Variants in SLC30A10 observed in about 807,000 individuals in gnomAD.
The protein encoded by SLC30A10 is solute carrier family 30 member 10.
SLC30A10 carries 8 observed loss-of-function variants against 21.7 expected under a neutral mutation model. The ratio of observed to expected loss-of-function variants is 0.37; its 90% CI spans 0.22 to 0.67. The LOEUF (loss-of-function observed/expected upper bound fraction) is 0.67. Among genes scored for constraint, SLC30A10 ranks in the 30% least tolerant of loss-of-function variants. The pLI is 0.58. For missense variants in SLC30A10, 521 were observed against 642.5 expected (o/e 0.81, Z 2.04); for synonymous variants, 272 against 279.4 (o/e 0.97, Z 0.26).
At chr1:219,931,335 T>G (rs1659967403), upstream of SLC30A10, among the ~76,000 whole-genome samples, 1 of 152,186 alleles carries the variant, frequency 6.6e-6, no homozygotes, top group Non-Finnish European at 1.5e-5. Context: ...AGAGGCAGCC[T>G]GCCTGGGGGA....
At chr1:219,932,063 CT>C (rs1271562244), upstream of SLC30A10, among the ~76,000 whole-genome samples, 12,140 of 138,502 alleles carry the variant, frequency 0.088, 979 homozygotes, top group African/African-American at 0.27. Flanking sequence ...ACTCAATCAT[CT>C]TTTTTTTTTT....
At chr1:219,944,138 A>G (rs891177641) in intron 1 of SLC30A10, among the ~76,000 whole-genome samples, 1 of 149,258 alleles carries the variant, frequency 6.7e-6, no homozygotes, top group Non-Finnish European at 1.5e-5. Context: ...GGCAGTGAAT[A>G]CAAAATTTTA....
In SLC30A10 at chr1:219,915,444, C is replaced by T. The variant is rs758262227; in HGVS notation, c.*5G>A. The T allele has an allele frequency of 6.2e-7, 1 of 1,610,904 alleles. No individual in the cohort carries two copies. Among genetic ancestry groups the T allele is most frequent in the South Asian group, 1.1e-5 (1 of 90,348 alleles). On this transcript the variant is annotated 3_prime_UTR_variant, in exon 4 of 4. Coordinates refer to ENST00000366926, the MANE Select transcript of SLC30A10 (RefSeq NM_018713.3). ...TCTATATGGTCTGATTATGTGAGTA[C>T]CAGATTAAAAATGCGTTCTGTTGAC... is the stretch of plus-strand genomic sequence containing the variant.
chr1:219,925,007 G>A (rs1659780449), intron 2 of SLC30A10, among the ~76,000 whole-genome samples: 1 of 152,172 alleles, frequency 6.6e-6, no homozygotes, highest in Non-Finnish European at 1.5e-5. Flanking sequence ...ACCTCTATCA[G>A]AAGCTAAAGG....
chr1:219,943,923 C>T (rs1357534234), intron 1 of SLC30A10, among the ~76,000 whole-genome samples: 1 of 151,600 alleles, frequency 6.6e-6, no homozygotes, highest in Non-Finnish European at 1.5e-5. Flanking sequence ...CATGATGAAA[C>T]CCCGTCTCTA....
intron 3 of SLC30A10, among the ~76,000 whole-genome samples, chr1:219,917,213 A>AT (rs1404344481): frequency 2.0e-5 from 3 of 151,388 alleles, no homozygotes; most frequent in African/African-American, 7.3e-5. Flanking sequence ...CTGGTCTTGA[A>AT]CTCCTGGCCT....
intron 2 of SLC30A10, among the ~76,000 whole-genome samples, chr1:219,920,629 ATT>A (rs1310970551): frequency 1.4e-4 from 21 of 152,308 alleles, no homozygotes; most frequent in African/African-American, 4.8e-4. Context: ...TATTATTATT[ATT>A]ATGCTAACTA....
chr1:219,944,448 A>AAAAACAAAAC (rs370187926), intron 1 of SLC30A10, among the ~76,000 whole-genome samples: 38 of 151,962 alleles, frequency 2.5e-4, no homozygotes, highest in Middle Eastern at 3.4e-3. Flanking sequence ...ACTCTGTCTC[A>AAAAACAAAAC]AAAACAAAAC....
intron 1 of SLC30A10, among the ~76,000 whole-genome samples, chr1:219,954,281 T>A (rs1660313869): frequency 6.6e-6 from 1 of 152,098 alleles, no homozygotes; most frequent in South Asian, 2.1e-4. Flanking sequence ...TGCTGGATGC[T>A]GTGCTGTCAC....
At chr1:219,925,455 A>C (rs192020047) in intron 2 of SLC30A10, among the ~76,000 whole-genome samples, 117 of 151,108 alleles carry the variant, frequency 7.7e-4, no homozygotes, top group African/African-American at 2.8e-3. Context: ...GATCACTTGA[A>C]CCTGGTAGGC....
intron 1 of SLC30A10, among the ~76,000 whole-genome samples, chr1:219,941,545 C>T (rs1417029261): frequency 1.0e-4 from 6 of 59,676 alleles, no homozygotes; most frequent in African/African-American, 1.9e-4. Context: ...TCCTTCCTTC[C>T]TTCTTTCCTT....
rs1367653706 is a variant in SLC30A10, at chr1:219,914,436, C to A, written c.*1013G>T. On this transcript the variant is annotated 3_prime_UTR_variant, in exon 4 of 4. Transcript: ENST00000366926. ...ACTTTTTCATTGAGTTACTAGTTGACAACTATAATAAATACTTTAAAATAT... is the reference window on the plus strand; with the variant it reads ...ACTTTTTCATTGAGTTACTAGTTGAAAACTATAATAAATACTTTAAAATAT... The A allele has an allele frequency of 6.6e-6, 1 of 152,114 alleles. No individual in the cohort carries two copies. The highest frequency in any genetic ancestry group is 1.5e-5 in the Non-Finnish European group (1 of 68,014). 9.4% of individuals were successfully genotyped at this position (152,114 alleles called of 1,614,324 possible).
intron 1 of SLC30A10, among the ~76,000 whole-genome samples, chr1:219,939,629 C>A (rs1234551436): frequency 6.6e-6 from 1 of 152,110 alleles, no homozygotes; most frequent in East Asian, 1.9e-4. Flanking sequence ...GGGGTTTCAC[C>A]ATCTTGGCCA....
rs1428551955 is a variant in SLC30A10 at position 219,913,110 on chromosome 1, A to G, written c.*2339T>C. The stretch of plus-strand genomic sequence containing the variant: ...TAAAGAGAGAGTGAAACCCAAGTGA[A>G]AATAGCATACAGCAGGCATCACAGT... On this transcript the variant is annotated 3_prime_UTR_variant, in exon 4 of 4. Coordinates refer to ENST00000366926, the MANE Select transcript of SLC30A10 (RefSeq NM_018713.3). 6.6e-6 allele frequency among the ~76,000 whole-genome samples: 1 copy of G among 152,264 alleles called. No individual in the cohort carries two copies. The highest frequency in any genetic ancestry group is 1.5e-5 in the Non-Finnish European group (1 of 68,044).
At chr1:219,943,944 T>G (rs140970203) in intron 1 of SLC30A10, among the ~76,000 whole-genome samples, 6,460 of 146,404 alleles carry the variant, frequency 0.044, 339 homozygotes, top group African/African-American at 0.13. Context: ...CTAAAAAATA[T>G]AAAAAATTAG....
intron 1 of SLC30A10, among the ~76,000 whole-genome samples, chr1:219,957,273 T>C (rs1571817299): frequency 6.6e-6 from 1 of 152,254 alleles, no homozygotes; most frequent in Non-Finnish European, 1.5e-5. Context: ...TAACATATGT[T>C]CTACCAACAG....
At chr1:219,922,477 A>G (rs1361512054) in intron 2 of SLC30A10, among the ~76,000 whole-genome samples, 1 of 151,710 alleles carries the variant, frequency 6.6e-6, no homozygotes, top group African/African-American at 2.4e-5. Flanking sequence ...GGCATTTCAG[A>G]CAGAAACACC....
chr1:219,933,164 C>A (rs78782233), upstream of SLC30A10, among the ~76,000 whole-genome samples: 302 of 152,114 alleles, frequency 2.0e-3, no homozygotes, highest in Non-Finnish European at 3.3e-3. Flanking sequence ...TAGAACGAAG[C>A]AGCTCTAATA....
intron 1 of SLC30A10, among the ~76,000 whole-genome samples, chr1:219,927,459 TG>T (rs1659855989): frequency 6.6e-6 from 1 of 151,672 alleles, no homozygotes; most frequent in Admixed American, 6.6e-5. Context: ...TGGAGAGTCC[TG>T]CCTGTTGCCC....
Sources: allele counts gnomAD v4.1 joint callset (sites outside exome capture counted in the v4.1 genomes callset), GRCh38; gene constraint gnomAD v4.1.1; transcripts MANE v1.5; gene names NCBI Gene and HGNC (gene_info 2026-07-23, HGNC 2026-07-21).